The following CIMIP6 variants were observed in gnomAD, a reference collection of about 807,000 sequenced individuals.
CIMIP6 encodes the protein uncharacterized protein C2orf73.
chr2:54,369,702 T>G, the CIMIP6 span, among the ~76,000 whole-genome samples: 2 of 152,198 alleles, frequency 1.3e-5, no homozygotes, highest in African/African-American at 4.8e-5. Flanking sequence ...TTTTCTGATA[T>G]ATGATTTCCC....
At chr2:54,355,950 A>G in the CIMIP6 span, among the ~76,000 whole-genome samples, 2 of 152,176 alleles carry the variant, frequency 1.3e-5, no homozygotes, top group African/African-American at 4.8e-5. Flanking sequence ...TAGGGGAATC[A>G]GTAGGCCTGT....
chr2:54,363,060 A>G, the CIMIP6 span, among the ~76,000 whole-genome samples: 1 of 152,168 alleles, frequency 6.6e-6, no homozygotes, highest in Admixed American at 6.5e-5. Context: ...GGATATGATC[A>G]TCTCTCCTAG....
chr2:54,378,246 G>T, the CIMIP6 span, among the ~76,000 whole-genome samples: 2 of 152,214 alleles, frequency 1.3e-5, no homozygotes, highest in Admixed American at 1.3e-4. Context: ...AACTGACCTG[G>T]GTTTGTGGTG....
the CIMIP6 span, among the ~76,000 whole-genome samples, chr2:54,364,620 G>A: frequency 6.6e-6 from 1 of 152,260 alleles, no homozygotes; most frequent in South Asian, 2.1e-4. Flanking sequence ...TCAATAACCG[G>A]TCCATTAATT....
chr2:54,344,516 G>A, the CIMIP6 span, among the ~76,000 whole-genome samples: 3 of 152,164 alleles, frequency 2.0e-5, no homozygotes, highest in African/African-American at 2.4e-5. Flanking sequence ...TGAGCTACAC[G>A]CCGAGCCAGC....
chr2:54,351,509 C>A, the CIMIP6 span, among the ~76,000 whole-genome samples: 1 of 151,988 alleles, frequency 6.6e-6, no homozygotes, highest in Non-Finnish European at 1.5e-5. Context: ...TTATCCTTAG[C>A]AAACTAACGC....
At chr2:54,331,311 C>T in the CIMIP6 span, among the ~76,000 whole-genome samples, 1 of 152,136 alleles carries the variant, frequency 6.6e-6, no homozygotes, top group Non-Finnish European at 1.5e-5. Context: ...TACCACTGCT[C>T]ATCACTTTCA....
chr2:54,353,345 A>C, the CIMIP6 span, among the ~76,000 whole-genome samples: 1 of 152,078 alleles, frequency 6.6e-6, no homozygotes, highest in East Asian at 1.9e-4. Flanking sequence ...TGCATAATTC[A>C]CTTTTAGGGC....
chr2:54,355,681 T>A, the CIMIP6 span, among the ~76,000 whole-genome samples: 2 of 152,166 alleles, frequency 1.3e-5, no homozygotes, highest in South Asian at 2.1e-4. Context: ...TCAGTCTGAT[T>A]TTCTAGTTCA....
the CIMIP6 span, among the ~76,000 whole-genome samples, chr2:54,367,924 A>G: frequency 1.3e-5 from 2 of 152,152 alleles, no homozygotes; most frequent in Admixed American, 6.5e-5. Flanking sequence ...TTGAGAAAAC[A>G]TTAGTTTTAA....
chr2:54,376,919 A>G, the CIMIP6 span, among the ~76,000 whole-genome samples: 1 of 152,222 alleles, frequency 6.6e-6, no homozygotes, highest in Non-Finnish European at 1.5e-5. Context: ...ACTACCTTCC[A>G]GGATCACTGT....
the CIMIP6 span, among the ~76,000 whole-genome samples, chr2:54,367,428 T>C: frequency 6.6e-6 from 1 of 152,106 alleles, no homozygotes; most frequent in Non-Finnish European, 1.5e-5. Flanking sequence ...TTCCAAAATC[T>C]GGAAACTATT....
At chr2:54,346,856 C>G in the CIMIP6 span, among the ~76,000 whole-genome samples, 1 of 152,198 alleles carries the variant, frequency 6.6e-6, no homozygotes, top group East Asian at 1.9e-4. Context: ...TTTAGATTCT[C>G]CAGTTACTTC....
At chr2:54,352,517 T>C in the CIMIP6 span, among the ~76,000 whole-genome samples, 1 of 152,200 alleles carries the variant, frequency 6.6e-6, no homozygotes, top group East Asian at 1.9e-4. Context: ...AAGTGGCTAA[T>C]TAAGATGTTT....
the CIMIP6 span, among the ~76,000 whole-genome samples, chr2:54,346,609 A>G: frequency 6.6e-6 from 1 of 152,148 alleles, no homozygotes; most frequent in African/African-American, 2.4e-5. Context: ...TCAAGTTTTG[A>G]TAAGCTAGAA....
the CIMIP6 span, chr2:54,358,902 A>G: frequency 1.0e-5 from 8 of 769,316 alleles, no homozygotes; most frequent in Non-Finnish European, 1.7e-5. Flanking sequence ...AATACTGATT[A>G]TATGTCCATA....
chr2:54,338,251 TAGTG>T, the CIMIP6 span, among the ~76,000 whole-genome samples: 2 of 151,906 alleles, frequency 1.3e-5, no homozygotes, highest in Non-Finnish European at 1.5e-5. Flanking sequence ...CTGGGCAACA[TAGTG>T]AGACCGAGCG....
chr2:54,358,416 C>T, the CIMIP6 span, among the ~76,000 whole-genome samples: 278 of 150,172 alleles, frequency 1.9e-3, no homozygotes, highest in African/African-American at 6.5e-3. Flanking sequence ...TTTTTTTTTC[C>T]TTAATGAGAC....
At chr2:54,356,118 A>G in the CIMIP6 span, among the ~76,000 whole-genome samples, 1 of 149,476 alleles carries the variant, frequency 6.7e-6, no homozygotes, top group African/African-American at 2.5e-5. Flanking sequence ...GTAGTCAGGA[A>G]TCCACCCTAC....
Sources: allele counts gnomAD v4.1 joint callset (sites outside exome capture counted in the v4.1 genomes callset), GRCh38; gene constraint gnomAD v4.1.1; transcripts MANE v1.5; gene names NCBI Gene and HGNC (gene_info 2026-07-23, HGNC 2026-07-21).